TBCD: variants seen among roughly 807,000 people sequenced by gnomAD.
The protein encoded by TBCD is tubulin-specific chaperone D.
In TBCD, 105 loss-of-function variants were observed where a neutral mutation model predicts 169.3. The ratio of observed to expected loss-of-function variants is 0.62; its 90% CI spans 0.53 to 0.73. The LOEUF (loss-of-function observed/expected upper bound fraction) is 0.73. TBCD is among the 30% of genes least tolerant of loss of function. TBCD has a pLI of 0.00. For synonymous variants in TBCD, 700 were observed against 643.9 expected (o/e 1.09, Z -1.32); for missense variants, 1,444 against 1,600.1 (o/e 0.90, Z 1.66).
intron 13 of TBCD, chr17:82,860,327 C>G: frequency 1.0e-6 from 1 of 971,696 alleles, no homozygotes; most frequent in African/African-American, 1.8e-5. Flanking sequence ...GCGTCCCCTC[C>G]CCTCTGGTGG....
chr17:82,889,820 C>CA lies in TBCD; in HGVS notation c.1563+124dup, dbSNP rs1251080945. ...AGATGTGGTGTGGCTACATCAATGC[C>CA]AGGGTCATGAGTTCACTATAGGACG... On this transcript the variant is annotated intron_variant, in intron 16 of 38. Coordinates refer to ENST00000355528, the MANE Select transcript of TBCD (RefSeq NM_005993.5). This position sits in a 1 kb window ranked among gnomAD's most constrained non-coding sequence, Gnocchi z 5.3. 2 of 1,145,320 alleles carry CA rather than the reference C, an allele frequency of 1.7e-6. No individual in the cohort carries two copies. The highest frequency in any genetic ancestry group is 3.1e-5 in the African/African-American group (2 of 64,498). The allele number at this position is 1,145,320 out of a possible 1,614,324, so 70.9% of individuals were successfully genotyped here.
chr17:82,902,855 A>T (rs982330725), intron 18 of TBCD, among the ~76,000 whole-genome samples: 12 of 152,120 alleles, frequency 7.9e-5, no homozygotes, highest in African/African-American at 2.9e-4. Context: ...TCCCAGCTTG[A>T]CCATCTGCCT....
chr17:82,853,392 A>AC (rs991569380), intron 13 of TBCD, among the ~76,000 whole-genome samples: 18 of 126,828 alleles, frequency 1.4e-4, no homozygotes, highest in African/African-American at 3.6e-4. Context: ...ATCCAGCAAC[A>AC]CCCCCCCTCC....
chr17:82,920,397 T>C lies in TBCD; in HGVS notation c.2039-159T>C. On this transcript the variant is annotated intron_variant, in intron 23 of 38. Coordinates refer to ENST00000355528, the MANE Select transcript of TBCD (RefSeq NM_005993.5). The surrounding 1 kb of genome is among the most constrained non-coding windows in gnomAD (Gnocchi z 4.1). Reference sequence around the variant, plus strand: ...TGGGCTTCTCATGGTGGTTCTGAAATGGTTCTGGGATGTTTCCAGCCCTGG... The same window carrying C: ...TGGGCTTCTCATGGTGGTTCTGAAACGGTTCTGGGATGTTTCCAGCCCTGG... 1.5e-6 allele frequency: 1 copy of C among 663,962 alleles called. No individual in the cohort carries two copies. Among genetic ancestry groups the C allele is most frequent in the South Asian group, 1.7e-5 (1 of 57,838 alleles). 41.1% of individuals were successfully genotyped at this position (663,962 alleles called of 1,614,324 possible).
chr17:82,911,153 T>C (rs929391151), intron 22 of TBCD, among the ~76,000 whole-genome samples: 1 of 152,188 alleles, frequency 6.6e-6, no homozygotes, highest in African/African-American at 2.4e-5. Context: ...CACCTCCTGG[T>C]GTTGGAGCCA....
chr17:82,777,087 T>C (rs115996824), intron 6 of TBCD, among the ~76,000 whole-genome samples: 2 of 152,346 alleles, frequency 1.3e-5, no homozygotes, highest in African/African-American at 4.8e-5. Flanking sequence ...GTTTTAATTT[T>C]AATGTCAAAC....
chr17:82,924,567 C>T (rs77598241), intron 26 of TBCD, among the ~76,000 whole-genome samples: 1,534 of 152,250 alleles, frequency 0.01, 32 homozygotes, highest in African/African-American at 0.034. Flanking sequence ...TTATTAATCA[C>T]GTCAAAAGTG....
At chr17:82,867,301 G>A (rs529450331) in intron 13 of TBCD, among the ~76,000 whole-genome samples, 6 of 152,352 alleles carry the variant, frequency 3.9e-5, no homozygotes, top group South Asian at 2.1e-4. Flanking sequence ...TGCCACTCGC[G>A]GTTGTCTGTT....
intron 27 of TBCD, 27 bp from the exon 28 acceptor site, chr17:82,926,370 GTTC>G (rs1422684218): frequency 6.2e-7 from 1 of 1,605,638 alleles, no homozygotes; most frequent in African/African-American, 1.3e-5. Flanking sequence ...ATAGCTTATG[GTTC>G]TTCTGTGATT....
At chr17:82,834,084 A>C (rs2053753863) in intron 13 of TBCD, among the ~76,000 whole-genome samples, 1 of 152,022 alleles carries the variant, frequency 6.6e-6, no homozygotes, top group African/African-American at 2.4e-5. Flanking sequence ...AGCTGGAATT[A>C]CAGGCGCCCA....
At chr17:82,907,719 C>T (rs1380844837) in intron 20 of TBCD, 42 bp from the exon 21 acceptor site, 1 of 1,610,730 alleles carries the variant, frequency 6.2e-7, no homozygotes, top group African/African-American at 1.3e-5. Context: ...GGGTTAGGGT[C>T]TTGGGGAGTG....
rs1392061593 is a variant in TBCD, at chr17:82,943,639, G to GTGAC, written c.*1177_*1180dup. 1 of 152,244 alleles carries GTGAC rather than the reference G, an allele frequency of 6.6e-6. No homozygotes were observed. Among genetic ancestry groups the GTGAC allele is most frequent in the Non-Finnish European group, 1.5e-5 (1 of 68,046 alleles). The allele number at this position is 152,244 out of a possible 1,614,324, so 9.4% of individuals were successfully genotyped here. A position where few individuals can be genotyped will look rare whatever the true frequency, so the allele number is the denominator to read the frequency against. ...TCACCAGGACCACAAGACCAGGACT[G>GTGAC]TGACAGTCCGTGCTGTGTGTTTAGC... On this transcript the variant is annotated 3_prime_UTR_variant, in exon 39 of 39. Transcript: ENST00000355528.
At chr17:82,787,946 T>C (rs942272860) in intron 7 of TBCD, among the ~76,000 whole-genome samples, 2 of 152,106 alleles carry the variant, frequency 1.3e-5, no homozygotes, top group South Asian at 4.1e-4. Flanking sequence ...ACATTAAAAA[T>C]GGAAAATGGG....
intron 16 of TBCD, among the ~76,000 whole-genome samples, chr17:82,891,780 G>A (rs2059155382): frequency 1.3e-5 from 2 of 152,172 alleles, no homozygotes; most frequent in South Asian, 4.1e-4. Flanking sequence ...GCTGGGGGCA[G>A]AGACGAGGGA....
At chr17:82,840,865 G>A (rs1481286508) in intron 13 of TBCD, among the ~76,000 whole-genome samples, 2 of 151,830 alleles carry the variant, frequency 1.3e-5, no homozygotes, top group African/African-American at 4.8e-5. Flanking sequence ...GGGATGAGCT[G>A]GTGTCAGGCC....
In TBCD at chr17:82,930,725, G is replaced by A. The variant is rs755936379; in HGVS notation, c.3113+82G>A. The A allele has an allele frequency of 1.1e-5, 18 of 1,591,330 alleles. No individual in the cohort carries two copies. The highest frequency in any genetic ancestry group is 3.4e-5 in the South Asian group (3 of 88,378). ...CGTTCCCACAGATTCCCGGGGTCTC[G>A]CAGGGTCTGTCTGGGGTCTGAAGGG... On this transcript the variant is annotated intron_variant, in intron 33 of 38. Coordinates refer to ENST00000355528, the MANE Select transcript of TBCD (RefSeq NM_005993.5). This position sits in a 1 kb window ranked among gnomAD's most constrained non-coding sequence, Gnocchi z 5.2.
At chr17:82,925,895 G>T (rs2061704369) in intron 27 of TBCD, among the ~76,000 whole-genome samples, 1 of 152,068 alleles carries the variant, frequency 6.6e-6, no homozygotes, top group South Asian at 2.1e-4. Flanking sequence ...ACACCCTGGG[G>T]TGGGGGCTGG....
At chr17:82,888,777 G>C (rs933035749) in intron 15 of TBCD, among the ~76,000 whole-genome samples, 2 of 152,236 alleles carry the variant, frequency 1.3e-5, no homozygotes, top group Non-Finnish European at 2.9e-5. Context: ...AGCAGCCATC[G>C]CTCAACCTTG....
chr17:82,842,479 C>G lies in TBCD; in HGVS notation c.1318+27545C>G, dbSNP rs140010209. Among the ~76,000 whole-genome samples the G allele has an allele frequency of 5.6e-3, 851 of 152,278 alleles. 2 individuals carry two copies. The highest frequency in any genetic ancestry group is 0.027 in the South Asian group (130 of 4,826). On this transcript the variant is annotated intron_variant, in intron 13 of 38. Coordinates refer to ENST00000355528, the MANE Select transcript of TBCD (RefSeq NM_005993.5). ...AATTTGCCTCTCTTTGCCCCTTCTGCCCCCATGTCTGCCTTCCCCGTCACC... is the reference window on the plus strand; with the variant it reads ...AATTTGCCTCTCTTTGCCCCTTCTGGCCCCATGTCTGCCTTCCCCGTCACC...
Sources: allele counts gnomAD v4.1 joint callset (sites outside exome capture counted in the v4.1 genomes callset), GRCh38; gene constraint gnomAD v4.1.1; non-coding constraint Gnocchi (gnomAD v3.1); transcripts MANE v1.5; gene names NCBI Gene and HGNC (gene_info 2026-07-23, HGNC 2026-07-21).